Variants in CCNJL observed in about 807,000 individuals in gnomAD.
The protein encoded by CCNJL is cyclin J like.
A neutral mutation model predicts 33.4 loss-of-function variants in CCNJL; 33 were observed. That is an observed-to-expected ratio of 0.99 (90% CI 0.75 to 1.32). CCNJL has a LOEUF of 1.32. Among genes scored for constraint, CCNJL ranks in the 40% most tolerant of loss-of-function variants. CCNJL has a pLI of 0.00. For missense variants in CCNJL, 512 were observed against 499.7 expected (o/e 1.02, Z -0.23); for synonymous variants, 227 against 220.9 (o/e 1.03, Z -0.24).
chr5:160,274,585 C>T (rs2113322220), intron 3 of CCNJL, among the ~76,000 whole-genome samples: 1 of 152,344 alleles, frequency 6.6e-6, no homozygotes, highest in Admixed American at 6.5e-5. Context: ...CGGGGGCTTT[C>T]CCACCCCCCT....
chr5:160,321,018 CTT>C (rs1561812762), intron 1 of CCNJL, among the ~76,000 whole-genome samples: 108 of 19,676 alleles, frequency 5.5e-3, no homozygotes, highest in South Asian at 0.019. Flanking sequence ...CTCTCTCTTT[CTT>C]TCTTTCTTTC....
chr5:160,266,416 T>C (rs1042918992), intron 3 of CCNJL, among the ~76,000 whole-genome samples: 5 of 152,190 alleles, frequency 3.3e-5, no homozygotes, highest in Non-Finnish European at 5.9e-5. Flanking sequence ...TCTACCAGCT[T>C]TATTTATGGC....
At chr5:160,291,405 A>C (rs1200358737) in intron 2 of CCNJL, among the ~76,000 whole-genome samples, 1 of 152,224 alleles carries the variant, frequency 6.6e-6, no homozygotes, top group African/African-American at 2.4e-5. Flanking sequence ...GGAAGCCTAT[A>C]TTAGCCCAGT....
chr5:160,331,107 A>G (rs1763601685), intron 1 of CCNJL, among the ~76,000 whole-genome samples: 1 of 151,836 alleles, frequency 6.6e-6, no homozygotes, highest in African/African-American at 2.4e-5. Context: ...TCAGCGTCCA[A>G]TAACTCCTCG....
At chr5:160,307,376 A>G (rs1365341296) in intron 2 of CCNJL, among the ~76,000 whole-genome samples, 1 of 152,196 alleles carries the variant, frequency 6.6e-6, no homozygotes, top group East Asian at 1.9e-4. Flanking sequence ...CACATGACAA[A>G]GGAGAGGCTT....
intron 2 of CCNJL, among the ~76,000 whole-genome samples, chr5:160,296,393 T>C (rs943641010): frequency 1.3e-5 from 2 of 152,246 alleles, no homozygotes; most frequent in African/African-American, 4.8e-5. Context: ...GGAAAGTTAC[T>C]TTGTTCCAAC....
intron 1 of CCNJL, among the ~76,000 whole-genome samples, chr5:160,324,756 ACTAT>A (rs1193187269): frequency 9.8e-5 from 15 of 152,294 alleles, no homozygotes; most frequent in African/African-American, 1.7e-4. Flanking sequence ...TCTGAATGTG[ACTAT>A]CTGTCATATG....
intron 3 of CCNJL, among the ~76,000 whole-genome samples, chr5:160,265,808 G>C (rs980986392): frequency 1.3e-5 from 2 of 151,190 alleles, no homozygotes; most frequent in East Asian, 3.9e-4. Context: ...AGCCAAGATC[G>C]GGGCACTGCA....
intron 2 of CCNJL, among the ~76,000 whole-genome samples, chr5:160,290,329 G>A (rs144282228): frequency 1.3e-5 from 2 of 151,238 alleles, no homozygotes; most frequent in South Asian, 2.1e-4. Flanking sequence ...ACAGTGGCAC[G>A]ATCTCAGCTT....
intron 2 of CCNJL, among the ~76,000 whole-genome samples, chr5:160,284,440 G>A (rs946804684): frequency 5.3e-5 from 8 of 152,126 alleles, no homozygotes; most frequent in South Asian, 4.2e-4. Flanking sequence ...CAAGACAGAC[G>A]TTATCACCCA....
chr5:160,285,854 TAG>T (rs1257285165), intron 2 of CCNJL, among the ~76,000 whole-genome samples: 2 of 152,222 alleles, frequency 1.3e-5, no homozygotes, highest in African/African-American at 4.8e-5. Context: ...CAGCCTTGCA[TAG>T]AGATCTTTTG....
At chr5:160,264,732 CT>C (rs1010545430) in intron 3 of CCNJL, among the ~76,000 whole-genome samples, 3 of 152,152 alleles carry the variant, frequency 2.0e-5, no homozygotes, top group African/African-American at 7.2e-5. Context: ...TAGGTCCCCC[CT>C]CTCCCGAGTC....
At chr5:160,318,134 A>G (rs1364086490) in intron 1 of CCNJL, among the ~76,000 whole-genome samples, 10 of 151,554 alleles carry the variant, frequency 6.6e-5, no homozygotes, top group African/African-American at 2.4e-4. Context: ...CTCCTGCCTC[A>G]GCCTCCCCAG....
chr5:160,289,519 C>T (rs577733113), intron 2 of CCNJL, among the ~76,000 whole-genome samples: 101 of 152,040 alleles, frequency 6.6e-4, no homozygotes, highest in Non-Finnish European at 1.3e-3. Context: ...ACGTGTGAGC[C>T]AGCATTTCTG....
chr5:160,327,641 C>A (rs931472932), intron 1 of CCNJL, among the ~76,000 whole-genome samples: 1 of 152,320 alleles, frequency 6.6e-6, no homozygotes, highest in South Asian at 2.1e-4. Flanking sequence ...ATATGGCCCC[C>A]GTCCTTCAGA....
In CCNJL at chr5:160,259,527, G is replaced by C. The variant is rs1490134510; in HGVS notation, c.525C>G (p.Arg175=). 4 of 1,614,060 alleles carry C rather than the reference G, an allele frequency of 2.5e-6. No individual in the cohort carries two copies. Among genetic ancestry groups the C allele is most frequent in the African/African-American group, 2.7e-5 (2 of 74,922 alleles). ...HCHTWPTTCP[R]KTKECLKEYA... is the part of the protein sequence containing the mutation. Reference sequence around the variant, plus strand: ...ACTCCTTGAGGCACTCTTTGGTCTTGCGGGGGCAGGTGGTGGGCCAGGTGT... The same window carrying C: ...ACTCCTTGAGGCACTCTTTGGTCTTCCGGGGGCAGGTGGTGGGCCAGGTGT... The change falls in exon 4 of 6, where the codon CGC becomes CGG. Residue 175 remains arginine (R), a synonymous_variant. Coordinates refer to ENST00000257536, the MANE Select transcript of CCNJL (RefSeq NM_001308173.3).
At chr5:160,320,153 A>G (rs1763422509) in intron 1 of CCNJL, among the ~76,000 whole-genome samples, 1 of 152,120 alleles carries the variant, frequency 6.6e-6, no homozygotes, top group Non-Finnish European at 1.5e-5. Flanking sequence ...TCCTTAAAGG[A>G]CTGTTGTATG....
intron 3 of CCNJL, among the ~76,000 whole-genome samples, chr5:160,272,966 G>A (rs1374302830): frequency 6.6e-6 from 1 of 152,214 alleles, no homozygotes; most frequent in East Asian, 1.9e-4. Context: ...ATAAATGACA[G>A]TGTTTATAAA....
chr5:160,306,160 A>G (rs1408745736), intron 2 of CCNJL, among the ~76,000 whole-genome samples: 1 of 150,890 alleles, frequency 6.6e-6, no homozygotes, highest in Non-Finnish European at 1.5e-5. Flanking sequence ...AATCCTAGCT[A>G]CTCGGGAGGC....
Sources: gnomAD v4.1 joint callset for allele counts (sites outside exome capture counted in the v4.1 genomes callset) on GRCh38, gnomAD v4.1.1 for gene constraint, MANE v1.5 for transcripts, NCBI Gene and HGNC (gene_info 2026-07-23, HGNC 2026-07-21) for gene names.